The following SCHIP1 variants were observed in gnomAD, a reference collection of about 807,000 sequenced individuals.
The protein encoded by SCHIP1 is schwannomin-interacting protein 1.
SCHIP1 carries 8 observed loss-of-function variants against 29.7 expected under a neutral mutation model. That is an observed-to-expected ratio of 0.27 (90% confidence interval 0.16 to 0.49). The LOEUF is 0.49. Ranked by LOEUF, SCHIP1 falls within the 20% of genes least tolerant of loss-of-function variation. The pLI is 0.99. For synonymous variants in SCHIP1, 76 were observed against 94.9 expected, an observed-to-expected ratio of 0.80 and a Z score of 1.16; for missense variants, 193 against 294.6, an observed-to-expected ratio of 0.66 and a Z score of 2.52.
chr3:159,599,595 G>A, the SCHIP1 span, among the ~76,000 whole-genome samples: 1,016 of 152,226 alleles, frequency 6.7e-3, 4 homozygotes, highest in Middle Eastern at 0.017. Context: ...TCCTTTTTGT[G>A]ACTGAGAAGT....
chr3:159,648,247 A>G, the SCHIP1 span, among the ~76,000 whole-genome samples: 1 of 152,132 alleles, frequency 6.6e-6, no homozygotes, highest in Admixed American at 6.6e-5. Flanking sequence ...AGGCAGCTGC[A>G]CACCTCTGCC....
the SCHIP1 span, among the ~76,000 whole-genome samples, chr3:159,580,343 G>C: frequency 6.6e-6 from 1 of 152,168 alleles, no homozygotes; most frequent in African/African-American, 2.4e-5. Flanking sequence ...CATTTCCAGA[G>C]CCTGCACAGA....
the SCHIP1 span, among the ~76,000 whole-genome samples, chr3:159,456,558 T>C: frequency 6.6e-6 from 1 of 152,220 alleles, no homozygotes; most frequent in Non-Finnish European, 1.5e-5. Flanking sequence ...AAATGATACA[T>C]GATACATGTA....
At chr3:159,534,422 A>G in the SCHIP1 span, among the ~76,000 whole-genome samples, 3 of 152,188 alleles carry the variant, frequency 2.0e-5, no homozygotes, top group Non-Finnish European at 2.9e-5. Context: ...TTTTGACTCA[A>G]TAGAAGTTAA....
At chr3:159,290,796 T>C in the SCHIP1 span, among the ~76,000 whole-genome samples, 1 of 152,136 alleles carries the variant, frequency 6.6e-6, no homozygotes, top group Non-Finnish European at 1.5e-5. Context: ...TTTTAATTTA[T>C]AATTTACATA....
chr3:159,884,781 T>C (rs1716801904), intron 2 of SCHIP1, among the ~76,000 whole-genome samples: 1 of 152,244 alleles, frequency 6.6e-6, no homozygotes, highest in Non-Finnish European at 1.5e-5. Context: ...GAAGTAAGGA[T>C]TCAGAACCTA....
chr3:159,447,634 G>A, the SCHIP1 span, among the ~76,000 whole-genome samples: 2 of 152,158 alleles, frequency 1.3e-5, no homozygotes. Flanking sequence ...TGAGCCCTGA[G>A]AATTCTTCTC....
chr3:159,416,099 A>G, the SCHIP1 span, among the ~76,000 whole-genome samples: 1 of 152,146 alleles, frequency 6.6e-6, no homozygotes, highest in Non-Finnish European at 1.5e-5. Flanking sequence ...AACTTATTTC[A>G]CACCAGTGCC....
At chr3:159,670,776 A>C in the SCHIP1 span, among the ~76,000 whole-genome samples, 1 of 151,888 alleles carries the variant, frequency 6.6e-6, no homozygotes, top group Non-Finnish European at 1.5e-5. Context: ...AAACAACCCC[A>C]TCCTCCCTGG....
chr3:159,618,300 A>C, the SCHIP1 span, among the ~76,000 whole-genome samples: 1 of 152,298 alleles, frequency 6.6e-6, no homozygotes, highest in East Asian at 1.9e-4. Flanking sequence ...TCAAATTCTA[A>C]CTTCTAATTT....
the SCHIP1 span, among the ~76,000 whole-genome samples, chr3:159,820,539 G>C: frequency 7.1e-3 from 1,078 of 152,184 alleles, 7 homozygotes; most frequent in African/African-American, 0.025. Flanking sequence ...TTAACTTTCA[G>C]TCTGTCTGAA....
the SCHIP1 span, among the ~76,000 whole-genome samples, chr3:159,469,585 C>T: frequency 4.5e-3 from 680 of 152,176 alleles, 6 homozygotes; most frequent in African/African-American, 0.015. Flanking sequence ...CAGGAGCAGG[C>T]GGGCCTTGGT....
the SCHIP1 span, among the ~76,000 whole-genome samples, chr3:159,558,732 A>C: frequency 1.4e-4 from 21 of 152,086 alleles, no homozygotes; most frequent in Admixed American, 7.2e-4. Context: ...GACTCCACAA[A>C]TGCTATAATA....
chr3:159,602,681 C>A, the SCHIP1 span, among the ~76,000 whole-genome samples: 6 of 151,148 alleles, frequency 4.0e-5, no homozygotes, highest in South Asian at 2.1e-4. Context: ...TGCACTCTAG[C>A]CTGGGCGACA....
the SCHIP1 span, among the ~76,000 whole-genome samples, chr3:159,820,711 A>G: frequency 6.6e-6 from 1 of 152,304 alleles, no homozygotes; most frequent in South Asian, 2.1e-4. Flanking sequence ...CTTGTTAAAT[A>G]TGCAAGTGGA....
chr3:159,657,215 C>A, the SCHIP1 span, among the ~76,000 whole-genome samples: 2 of 152,164 alleles, frequency 1.3e-5, no homozygotes, highest in South Asian at 4.1e-4. Context: ...CATCTTCCAA[C>A]AGAGATGGTG....
At chr3:159,341,470 G>A in the SCHIP1 span, among the ~76,000 whole-genome samples, 1 of 152,148 alleles carries the variant, frequency 6.6e-6, no homozygotes, top group Non-Finnish European at 1.5e-5. Context: ...AGACCTGTGA[G>A]TGAAAGTTGG....
chr3:159,402,117 G>A, the SCHIP1 span, among the ~76,000 whole-genome samples: 1,005 of 152,188 alleles, frequency 6.6e-3, 10 homozygotes, highest in South Asian at 0.032. Context: ...AAAAGTGGAC[G>A]AAGGATATGA....
At chr3:159,494,456 TCAGAGAATACTATAAAC>T in the SCHIP1 span, among the ~76,000 whole-genome samples, 2 of 152,058 alleles carry the variant, frequency 1.3e-5, no homozygotes, top group African/African-American at 4.8e-5. Flanking sequence ...CAAACTACCA[TCAGAGAATACTATAAAC>T]ACCTCTACGC....
Sources: allele counts gnomAD v4.1 joint callset (sites outside exome capture counted in the v4.1 genomes callset), GRCh38; gene constraint gnomAD v4.1.1; transcripts MANE v1.5; gene names NCBI Gene and HGNC (gene_info 2026-07-23, HGNC 2026-07-21).